DAB1: variants seen among roughly 807,000 people sequenced by gnomAD.
DAB1 encodes disabled homolog 1.
A neutral mutation model predicts 64.6 loss-of-function variants in DAB1; 15 were observed. That is an observed-to-expected ratio of 0.23 (90% CI 0.16 to 0.36). The LOEUF (loss-of-function observed/expected upper bound fraction) is 0.36, where lower values mean the gene tolerates loss of function less well. DAB1 is among the 10% of genes least tolerant of loss of function. The pLI, the probability that DAB1 is intolerant of heterozygous loss-of-function variation, is 1.00. For missense variants in DAB1, 596 were observed against 706.7 expected (o/e 0.84, Z 1.78); for synonymous variants, 235 against 251.9 (o/e 0.93, Z 0.64).
intron 3 of DAB1, chr1:58,481,244 C>T: frequency 3.8e-6 from 2 of 525,288 alleles, no homozygotes; most frequent in East Asian, 3.2e-5. Context: ...TTTCAGTAAT[C>T]CCTAATATGC....
At chr1:57,707,702 A>G (rs1646984787) in intron 6 of DAB1, among the ~76,000 whole-genome samples, 1 of 152,298 alleles carries the variant, frequency 6.6e-6, no homozygotes. Context: ...AAGAATTCAT[A>G]TATTTATTCC....
chr1:57,461,540 A>G (rs1427008658), intron 7 of DAB1, among the ~76,000 whole-genome samples: 2 of 152,060 alleles, frequency 1.3e-5, no homozygotes, highest in African/African-American at 4.8e-5. Context: ...CTTGCACATT[A>G]TGTTCTACTA....
Position 57,653,947 on chromosome 1 carries a change from A to G in DAB1, n.552-4282T>C, listed in dbSNP as rs116074477. ...GCTCTACAAAGTGACAGCAGCATTTATACCAATCTGGCGTTAGTTCACACT... is the reference window on the plus strand; with the variant it reads ...GCTCTACAAAGTGACAGCAGCATTTGTACCAATCTGGCGTTAGTTCACACT... On this transcript the variant is annotated intron_variant and non_coding_transcript_variant, in intron 6 of 20. Transcript: ENST00000485760. Among the ~76,000 whole-genome samples the G allele has an allele frequency of 8.3e-3, 1,271 of 152,254 alleles. 16 individuals carry two copies. Among genetic ancestry groups the G allele is most frequent in the African/African-American group, 0.029 (1,224 of 41,538 alleles).
At chr1:57,105,463 G>A (rs911855941) in intron 4 of DAB1, among the ~76,000 whole-genome samples, 20 of 152,026 alleles carry the variant, frequency 1.3e-4, no homozygotes, top group Admixed American at 5.9e-4. Flanking sequence ...GGGAGCAGCC[G>A]CAGTCGCCCT....
intron 4 of DAB1, among the ~76,000 whole-genome samples, chr1:58,330,566 G>A (rs1662947432): frequency 6.6e-6 from 1 of 152,188 alleles, no homozygotes; most frequent in Admixed American, 6.5e-5. Context: ...GTCAATGCCT[G>A]GTTTCAAAGC....
intron 3 of DAB1, among the ~76,000 whole-genome samples, chr1:58,355,582 T>C (rs1156802425): frequency 2.0e-5 from 3 of 152,184 alleles, no homozygotes; most frequent in African/African-American, 7.2e-5. Flanking sequence ...TCTCACCCAA[T>C]TTGATGCTCA....
At chr1:57,263,558 G>T (rs1670362666) in intron 2 of DAB1, among the ~76,000 whole-genome samples, 1 of 152,284 alleles carries the variant, frequency 6.6e-6, no homozygotes, top group South Asian at 2.1e-4. Flanking sequence ...GTGGGAACAC[G>T]GTATTAGGAG....
At chr1:57,963,454 T>C (rs996814936) in intron 5 of DAB1, among the ~76,000 whole-genome samples, 5 of 152,190 alleles carry the variant, frequency 3.3e-5, no homozygotes, top group Admixed American at 6.5e-5. Flanking sequence ...CGTTATTCTC[T>C]CTCCATCTGT....
chr1:57,174,402 G>T (rs1322827917), intron 2 of DAB1, among the ~76,000 whole-genome samples: 1 of 152,076 alleles, frequency 6.6e-6, no homozygotes, highest in Non-Finnish European at 1.5e-5. Context: ...ATAGAAAAGA[G>T]AACAAAATGA....
intron 1 of DAB1, among the ~76,000 whole-genome samples, chr1:57,403,755 G>C (rs746534268): frequency 1.3e-5 from 2 of 152,148 alleles, no homozygotes; most frequent in Non-Finnish European, 2.9e-5. Flanking sequence ...CTTTGAACCA[G>C]AATGATATAA....
chr1:58,236,014 T>C (rs1660012911), intron 4 of DAB1, among the ~76,000 whole-genome samples: 1 of 152,184 alleles, frequency 6.6e-6, no homozygotes, highest in South Asian at 2.1e-4. Flanking sequence ...TTAGAGCTAA[T>C]TGACCACCTG....
At chr1:57,165,152 C>T (rs1459168760) in intron 2 of DAB1, among the ~76,000 whole-genome samples, 2 of 152,140 alleles carry the variant, frequency 1.3e-5, no homozygotes, top group Non-Finnish European at 2.9e-5. Context: ...AGTTCATTCC[C>T]CAACATGGCT....
At chr1:57,102,236 C>T (rs984217370) in intron 4 of DAB1, among the ~76,000 whole-genome samples, 9 of 152,182 alleles carry the variant, frequency 5.9e-5, no homozygotes, top group Non-Finnish European at 1.0e-4. Flanking sequence ...CTCTCTTTCT[C>T]TGAGCCATCA....
intron 2 of DAB1, among the ~76,000 whole-genome samples, chr1:57,154,489 G>A (rs1660023798): frequency 1.3e-5 from 2 of 152,190 alleles, no homozygotes; most frequent in African/African-American, 4.8e-5. Flanking sequence ...ATTGTCAACA[G>A]TGCTGCAACA....
Position 57,145,356 on chromosome 1 carries a change from G to A in DAB1, c.141C>T (p.Ile47=), listed in dbSNP as rs751977928. Residue 47 remains isoleucine, a synonymous_variant, in exon 3 of 15, where the codon ATC becomes ATT. Coordinates refer to ENST00000371236, the MANE Select transcript of DAB1 (RefSeq NM_001365792.1). ...GAGCTGCGGAAACTTCATCAATCCC[G>A]ATCAATTTGGCTTTGTACCGGACCC... is the stretch of plus-strand genomic sequence containing the variant. ...GEGVRYKAKL[I]GIDEVSAARG... is the part of the protein sequence containing the mutation. The A allele has an allele frequency of 4.3e-5, 69 of 1,613,888 alleles. No homozygotes were observed. Among genetic ancestry groups the A allele is most frequent in the African/African-American group, 1.9e-4 (14 of 74,894 alleles).
intron 3 of DAB1, among the ~76,000 whole-genome samples, chr1:58,450,122 C>A (rs957223305): frequency 3.9e-5 from 6 of 152,182 alleles, no homozygotes; most frequent in Non-Finnish European, 8.8e-5. Context: ...CTTGCTCCTA[C>A]TAAAAGCAAC....
At chr1:57,170,028 A>C (rs1661585288) in intron 2 of DAB1, among the ~76,000 whole-genome samples, 2 of 143,300 alleles carry the variant, frequency 1.4e-5, no homozygotes, top group African/African-American at 2.6e-5. Flanking sequence ...ACAGAGTCTC[A>C]CTCTGTCACC....
intron 7 of DAB1, among the ~76,000 whole-genome samples, chr1:57,615,536 C>T (rs1278425611): frequency 6.6e-6 from 1 of 152,158 alleles, no homozygotes; most frequent in African/African-American, 2.4e-5. Flanking sequence ...ACAGACTTCT[C>T]TCTTATTTAA....
At chr1:58,292,787 A>G (rs1311996459) in intron 4 of DAB1, among the ~76,000 whole-genome samples, 1 of 152,216 alleles carries the variant, frequency 6.6e-6, no homozygotes, top group Non-Finnish European at 1.5e-5. Context: ...ACCATGTTGA[A>G]ATATTGGAGA....
Sources: gnomAD v4.1 joint callset for allele counts (sites outside exome capture counted in the v4.1 genomes callset) on GRCh38, gnomAD v4.1.1 for gene constraint, MANE v1.5 for transcripts, NCBI Gene and HGNC (gene_info 2026-07-23, HGNC 2026-07-21) for gene names.